The following BAZ2B variants were observed in gnomAD, a reference collection of about 807,000 sequenced individuals.
The protein encoded by BAZ2B is bromodomain adjacent to zinc finger domain protein 2B.
A neutral mutation model predicts 246.0 loss-of-function variants in BAZ2B; 91 were observed. The observed-to-expected ratio is 0.37, with a 90% CI of 0.31 to 0.44. The LOEUF is 0.44. BAZ2B is among the 20% of genes least tolerant of loss of function. The pLI, the probability that BAZ2B is intolerant of heterozygous loss-of-function variation, is 1.00. For missense variants in BAZ2B, 2,332 were observed against 2,533.7 expected (o/e 0.92, Z 1.71); for synonymous variants, 855 against 860.0 (o/e 0.99, Z 0.10).
intron 4 of BAZ2B, among the ~76,000 whole-genome samples, chr2:159,448,918 T>C (rs2074639243): frequency 6.6e-6 from 1 of 152,222 alleles, no homozygotes; most frequent in Non-Finnish European, 1.5e-5. Flanking sequence ...AGAAAACTTC[T>C]ATACTTAAAG....
chr2:159,432,809 T>G lies in BAZ2B; in HGVS notation c.1848A>C (p.Glu616Asp). ...CTTCATCATCTTCCTCATCTTCTTC[T>G]TCATCATCTTCCTCTTCATCCTCAT... ...DSNEDEEEDDEEEDEEDDEDD... is the reference protein window; with the variant it reads ...DSNEDEEEDDDEEDEEDDEDD... The change falls in exon 9 of 37, where the codon GAA (glutamate) becomes GAC (aspartate). Residue 616 changes from glutamate (E) to aspartate (D), a missense_variant. Physicochemically the swap from Glu to Asp is conservative, Grantham distance 45. Transcript: ENST00000392783. 1 of 1,613,776 alleles carries G rather than the reference T, an allele frequency of 6.2e-7. No homozygotes were observed. The highest frequency in any genetic ancestry group is 8.5e-7 in the Non-Finnish European group (1 of 1,179,698).
intron 27 of BAZ2B, among the ~76,000 whole-genome samples, chr2:159,371,437 T>A (rs1576234029): frequency 6.6e-6 from 1 of 152,194 alleles, no homozygotes; most frequent in African/African-American, 2.4e-5. Flanking sequence ...AGCCACCATG[T>A]CTGGCCCATA....
intron 13 of BAZ2B, among the ~76,000 whole-genome samples, chr2:159,415,350 C>A (rs2067504615): frequency 6.8e-6 from 1 of 147,152 alleles, no homozygotes. Context: ...GAGGCTGAGG[C>A]AGAAGAATTG....
intron 1 of BAZ2B, among the ~76,000 whole-genome samples, chr2:159,604,178 G>A (rs1692848930): frequency 6.6e-6 from 1 of 152,048 alleles, no homozygotes; most frequent in African/African-American, 2.4e-5. Context: ...AACATAAACA[G>A]GCAAATGACA....
chr2:159,346,384 G>C (rs1442451975), intron 31 of BAZ2B, among the ~76,000 whole-genome samples: 3 of 152,180 alleles, frequency 2.0e-5, no homozygotes, highest in Non-Finnish European at 2.9e-5. Context: ...ATTACATGGA[G>C]ATTAAGGTTT....
intron 27 of BAZ2B, among the ~76,000 whole-genome samples, chr2:159,357,574 C>G (rs1467024621): frequency 1.3e-5 from 2 of 152,072 alleles, no homozygotes; most frequent in Non-Finnish European, 2.9e-5. Flanking sequence ...GAGAACTTCT[C>G]CAACCTAGCA....
At chr2:159,369,045 A>T (rs1285131334) in intron 27 of BAZ2B, among the ~76,000 whole-genome samples, 1 of 152,130 alleles carries the variant, frequency 6.6e-6, no homozygotes, top group Non-Finnish European at 1.5e-5. Context: ...ATAAGATTTA[A>T]ATAAGGAAAT....
At chr2:159,567,683 T>C (rs1578448153) in intron 1 of BAZ2B, among the ~76,000 whole-genome samples, 1 of 152,042 alleles carries the variant, frequency 6.6e-6, no homozygotes, top group African/African-American at 2.4e-5. Flanking sequence ...TATTACAATT[T>C]AAAAATCAGG....
intron 1 of BAZ2B, among the ~76,000 whole-genome samples, chr2:159,611,246 G>A (rs13389096): frequency 0.55 from 82,526 of 151,400 alleles, 23,339 homozygotes; most frequent in East Asian, 0.74. Context: ...TATCTCTAAA[G>A]ATAAACTAAG....
At chr2:159,527,806 T>G (rs1006169149) in intron 2 of BAZ2B, among the ~76,000 whole-genome samples, 4 of 152,326 alleles carry the variant, frequency 2.6e-5, no homozygotes, top group African/African-American at 9.6e-5. Flanking sequence ...TATTTCACTA[T>G]TTTCAGTGTT....
chr2:159,394,818 A>G (rs774916390), intron 20 of BAZ2B, among the ~76,000 whole-genome samples: 13 of 152,206 alleles, frequency 8.5e-5, no homozygotes, highest in Non-Finnish European at 1.6e-4. Context: ...AATCACAGAG[A>G]AGTTAAATAA....
the BAZ2B span, among the ~76,000 whole-genome samples, chr2:159,650,590 G>C: frequency 1.0e-3 from 157 of 152,134 alleles, no homozygotes; most frequent in African/African-American, 3.7e-3. Context: ...TCCTAGCCTT[G>C]GGTAGCTCCC....
At chr2:159,340,742 A>C (rs531836791) in intron 31 of BAZ2B, among the ~76,000 whole-genome samples, 116 of 152,166 alleles carry the variant, frequency 7.6e-4, no homozygotes, top group Non-Finnish European at 1.6e-3. Flanking sequence ...CACTAGGCTA[A>C]ACATGCAAGA....
intron 32 of BAZ2B, 110 bp downstream of exon 32, chr2:159,337,457 C>T: frequency 6.2e-7 from 1 of 1,600,678 alleles, no homozygotes. Flanking sequence ...ATCTCAATAA[C>T]CTACCCGTCA....
At chr2:159,363,465 C>T (rs960569709) in intron 27 of BAZ2B, among the ~76,000 whole-genome samples, 2 of 152,120 alleles carry the variant, frequency 1.3e-5, no homozygotes, top group African/African-American at 4.8e-5. Flanking sequence ...TGACTTATTC[C>T]TTCATCTGGG....
At chr2:159,686,312 G>C in the BAZ2B span, among the ~76,000 whole-genome samples, 1 of 152,120 alleles carries the variant, frequency 6.6e-6, no homozygotes, top group Non-Finnish European at 1.5e-5. Context: ...AAGATATCAA[G>C]GTTTACCTCA....
At chr2:159,374,555 T>C (rs2061214329) in intron 26 of BAZ2B, 136 bp downstream of exon 26, 5 of 684,110 alleles carry the variant, frequency 7.3e-6, no homozygotes, top group Non-Finnish European at 1.2e-5. Context: ...CTGACAAAAA[T>C]GCTATTCAGA....
At chr2:159,389,153 T>C (rs1397084601) in intron 21 of BAZ2B, among the ~76,000 whole-genome samples, 192 bp downstream of exon 21, 1 of 151,730 alleles carries the variant, frequency 6.6e-6, no homozygotes, top group East Asian at 1.9e-4. Context: ...AAACCGCCAT[T>C]ACCAGCACAA....
intron 27 of BAZ2B, among the ~76,000 whole-genome samples, chr2:159,362,281 C>G (rs552940860): frequency 6.6e-6 from 1 of 152,154 alleles, no homozygotes; most frequent in Admixed American, 6.5e-5. Context: ...CTGTTCTCAG[C>G]GTCCTCCCTA....
Sources: allele counts gnomAD v4.1 joint callset (sites outside exome capture counted in the v4.1 genomes callset), GRCh38; gene constraint gnomAD v4.1.1; transcripts MANE v1.5; gene names NCBI Gene and HGNC (gene_info 2026-07-23, HGNC 2026-07-21).